PHKA2: variants seen among roughly 807,000 people sequenced by gnomAD.
PHKA2 encodes the protein phosphorylase b kinase regulatory subunit alpha, liver isoform.
In PHKA2, 31 loss-of-function variants were observed where a neutral mutation model predicts 102.0. The observed-to-expected ratio is 0.30, with a 90% confidence interval of 0.23 to 0.41. The LOEUF is 0.41. Ranked by LOEUF, PHKA2 falls within the 10% of genes least tolerant of loss-of-function variation. The probability of loss-of-function intolerance (pLI) is 1.00; values close to 1 mark genes in which losing one functional copy is unlikely to be tolerated. For synonymous variants in PHKA2, 455 were observed against 416.2 expected, an observed-to-expected ratio of 1.09 and a Z score of -1.13; for missense variants, 858 against 1,023.1, an observed-to-expected ratio of 0.84 and a Z score of 2.20.
intron 1 of PHKA2, among the ~76,000 whole-genome samples, chrX:18,982,275 T>C (rs994200319): frequency 9.0e-6 from 1 of 111,557 alleles, no homozygotes; most frequent in African/African-American, 3.3e-5. Context: ...GCTCTGAAAA[T>C]TTAAAGTGTT....
intron 1 of PHKA2, among the ~76,000 whole-genome samples, chrX:18,970,781 A>G (rs1055460768): frequency 8.9e-6 from 1 of 112,241 alleles, no homozygotes; most frequent in African/African-American, 3.2e-5. Context: ...AGCATAGACC[A>G]CTACCTAATC....
At chrX:18,940,510 T>G (rs1251035824) in intron 8 of PHKA2, among the ~76,000 whole-genome samples, 1 of 111,903 alleles carries the variant, frequency 8.9e-6, no homozygotes, top group African/African-American at 3.2e-5. Context: ...CCACAAAGAT[T>G]AGCAGAAAGG....
intron 26 of PHKA2, among the ~76,000 whole-genome samples, chrX:18,903,514 G>A (rs2047739296): frequency 8.9e-6 from 1 of 112,719 alleles, no homozygotes; most frequent in African/African-American, 3.2e-5. Flanking sequence ...AGCAGATGCA[G>A]GTGTGAATGC....
chrX:18,895,316 C>T (rs756250978), intron 30 of PHKA2, 125 bp from the exon 31 acceptor site: 25 of 600,803 alleles, frequency 4.2e-5, no homozygotes, highest in Middle Eastern at 4.3e-4. Context: ...GGCTGGGACA[C>T]GCCAGACTGT....
intron 19 of PHKA2, among the ~76,000 whole-genome samples, chrX:18,914,797 T>C (rs1386280311): frequency 1.8e-5 from 2 of 111,703 alleles, no homozygotes; most frequent in Non-Finnish European, 3.8e-5. Flanking sequence ...GGAAATCCAC[T>C]AGGAGATTGT....
At chrX:18,958,112 G>A (rs917536926) in intron 1 of PHKA2, among the ~76,000 whole-genome samples, 3 of 111,140 alleles carry the variant, frequency 2.7e-5, no homozygotes, top group Admixed American at 9.6e-5. Context: ...TGCCCACCTC[G>A]GCCTCCCAAA....
Position 18,984,051 on chromosome X carries a change from T to C in PHKA2, c.-119A>G. The C allele has an allele frequency of 1.7e-6, 1 of 594,724 alleles. No individual in the cohort carries two copies. The highest frequency in any genetic ancestry group is 2.9e-6 in the Non-Finnish European group (1 of 347,904). 49.0% of individuals were successfully genotyped at this position (594,724 alleles called of 1,213,427 possible). ...TCACAGCCTTAGTCGGTTCTTGGGATGGGACCGGGCCGGAGGAGGTCGAGA... is the reference window on the plus strand; with the variant it reads ...TCACAGCCTTAGTCGGTTCTTGGGACGGGACCGGGCCGGAGGAGGTCGAGA... On this transcript the variant is annotated 5_prime_UTR_variant, in exon 1 of 33. Coordinates refer to ENST00000379942, the MANE Select transcript of PHKA2 (RefSeq NM_000292.3).
chrX:18,931,946 C>T (rs189300267), intron 11 of PHKA2, among the ~76,000 whole-genome samples, 198 bp from the exon 12 acceptor site: 61 of 112,264 alleles, frequency 5.4e-4, no homozygotes, highest in African/African-American at 1.8e-3. Context: ...GAAGTCAAAT[C>T]GCGGCCTGGT....
intron 18 of PHKA2, 54 bp from the exon 19 acceptor site, chrX:18,918,908 G>C (rs1258157203): frequency 1.0e-5 from 11 of 1,048,044 alleles, no homozygotes; most frequent in Non-Finnish European, 1.3e-5. Flanking sequence ...GTAGAAATAT[G>C]ACTACACAAT....
In PHKA2 at chrX:18,893,354, G is replaced by GC. The variant is rs774734878; in HGVS notation, c.*130dup. The GC allele has an allele frequency of 4.7e-6, 3 of 644,770 alleles. No homozygotes were observed. Among genetic ancestry groups the GC allele is most frequent in the Admixed American group, 2.4e-5 (1 of 42,544 alleles). 53.1% of individuals were successfully genotyped at this position (644,770 alleles called of 1,213,427 possible). A position where few individuals can be genotyped will look rare whatever the true frequency, so the allele number is the denominator to read the frequency against. On this transcript the variant is annotated 3_prime_UTR_variant, in exon 33 of 33. Transcript: ENST00000379942. Reference sequence around the variant, plus strand: ...CAGTTTCAGGGTGAGTGCTACCATTGCCCCCCGAGAGTGTTTCTGATGGGA... The same window carrying GC: ...CAGTTTCAGGGTGAGTGCTACCATTGCCCCCCCGAGAGTGTTTCTGATGGGA...
At chrX:18,972,921 A>G (rs984539345) in intron 1 of PHKA2, among the ~76,000 whole-genome samples, 1 of 112,459 alleles carries the variant, frequency 8.9e-6, no homozygotes, top group African/African-American at 3.2e-5. Flanking sequence ...TCTTTCCCCA[A>G]TACATTACTT....
rs2048092214 is a variant in PHKA2 at position 18,920,187 on chromosome X, T to A, written c.1808A>T (p.Asn603Ile). 9.8e-7 allele frequency: 1 copy of A among 1,017,777 alleles called. No individual in the cohort carries two copies. The highest frequency in any genetic ancestry group is 1.9e-5 in the African/African-American group (1 of 52,426). 83.9% of individuals were successfully genotyped at this position (1,017,777 alleles called of 1,213,427 possible). A position where few individuals can be genotyped will look rare whatever the true frequency, so the allele number is the denominator to read the frequency against. Residue 603 changes from asparagine to isoleucine, a missense_variant, in exon 18 of 33, where the codon AAC (asparagine) becomes ATC (isoleucine). Transcript: ENST00000379942. The part of the protein sequence containing the change: ...YFGGARVKLG[N>I]LSEFLTTSFY... The stretch of plus-strand genomic sequence containing the variant: ...CGATGTGGTGAGAAATTCCGAAAGG[T>A]TCCCTAATTTTACTCTGCCAAGAAG...
rs2047443224 is a variant in PHKA2, at chrX:18,892,586, G to C, written c.*899C>G. 8.9e-6 allele frequency: 1 copy of C among 112,095 alleles called. No homozygotes were observed. Among genetic ancestry groups the C allele is most frequent in the Admixed American group, 9.4e-5 (1 of 10,605 alleles). 9.2% of individuals were successfully genotyped at this position (112,095 alleles called of 1,213,427 possible). On this transcript the variant is annotated 3_prime_UTR_variant, in exon 33 of 33. Transcript: ENST00000379942. ...GCATTGTTTCTGCGGGGACATGCCT[G>C]TTCACTTCCATGGCACTGCTGACTT...
In PHKA2 at chrX:18,899,157, C is replaced by A; in HGVS notation, c.3111+16G>T. 2 of 1,198,283 alleles carry A rather than the reference C, an allele frequency of 1.7e-6. No individual in the cohort carries two copies. The highest frequency in any genetic ancestry group is 2.3e-4 in the Middle Eastern group (1 of 4,320). ...GAGGAGCGGGGACGGACACAATAAT[C>A]CCGAGGCACTGTTACCGCAGACTTG... is the stretch of plus-strand genomic sequence containing the variant. On this transcript the variant is annotated intron_variant, in intron 29 of 32. Transcript: ENST00000379942.
chrX:18,899,087 C>T (rs1297003727), intron 29 of PHKA2, 86 bp downstream of exon 29: 3 of 807,483 alleles, frequency 3.7e-6, no homozygotes, highest in Non-Finnish European at 5.7e-6. Context: ...CTGCTCGAAT[C>T]CTCAGAAGTT....
In PHKA2 at chrX:18,899,536, A is replaced by G. The variant is rs768675104; in HGVS notation, c.3058-310T>C. 2.7e-5 allele frequency among the ~76,000 whole-genome samples: 3 copies of G among 112,638 alleles called. No homozygotes were observed. In the South Asian group the frequency reaches 1.1e-3, roughly 41 times the overall value. On this transcript the variant is annotated intron_variant, in intron 28 of 32. Transcript: ENST00000379942. ...GGGTGCATCATCAAGTTAGGACACT[A>G]TTTATTTTCCAAACTCACAGCCATG... is the stretch of plus-strand genomic sequence containing the variant.
At chrX:18,897,398 T>A in intron 29 of PHKA2, 65 bp from the exon 30 acceptor site, 1 of 1,091,254 alleles carries the variant, frequency 9.2e-7, no homozygotes, top group Non-Finnish European at 1.2e-6. Flanking sequence ...AAGTGCGCCA[T>A]CTCGAAGGGC....
chrX:18,937,724 G>A (rs1404863374), intron 10 of PHKA2, among the ~76,000 whole-genome samples: 2 of 112,049 alleles, frequency 1.8e-5, no homozygotes, highest in African/African-American at 6.5e-5. Context: ...GGTGAAAGCA[G>A]GGATCAGATC....
intron 4 of PHKA2, 60 bp downstream of exon 4, chrX:18,951,044 T>C (rs762971394): frequency 8.9e-7 from 1 of 1,127,142 alleles, no homozygotes; most frequent in African/African-American, 1.8e-5. Context: ...CCTGTCCTCC[T>C]CCCACCCCTT....
Sources: gnomAD v4.1 joint callset for allele counts (sites outside exome capture counted in the v4.1 genomes callset) on GRCh38, gnomAD v4.1.1 for gene constraint, MANE v1.5 for transcripts, NCBI Gene and HGNC (gene_info 2026-07-23, HGNC 2026-07-21) for gene names.